The following ROBO2 variants were observed in gnomAD, a reference collection of about 807,000 sequenced individuals.
ROBO2 encodes roundabout guidance receptor 2, also known as roundabout homolog 2.
Under a neutral mutation model 160.8 loss-of-function variants are expected in ROBO2, and 53 were observed. That is an observed-to-expected ratio of 0.33 (90% CI 0.26 to 0.41). ROBO2 has a LOEUF of 0.41. Among genes scored for constraint, ROBO2 ranks in the 10% least tolerant of loss-of-function variants. The pLI, the probability that ROBO2 is intolerant of heterozygous loss-of-function variation, is 1.00. For synonymous variants in ROBO2, 664 were observed against 611.7 expected (o/e 1.09, Z -1.26); for missense variants, 1,577 against 1,722.4 (o/e 0.92, Z 1.49).
chr3:76,119,085 A>G (rs2070607081), intron 2 of ROBO2, among the ~76,000 whole-genome samples: 2 of 152,208 alleles, frequency 1.3e-5, no homozygotes, highest in South Asian at 2.1e-4. Context: ...AATATTGTAT[A>G]TAAATTGTTT....
chr3:76,274,138 T>C (rs1430708765), intron 2 of ROBO2, among the ~76,000 whole-genome samples: 1 of 152,188 alleles, frequency 6.6e-6, no homozygotes. Context: ...TCGTGAGTTT[T>C]GGATGGGATA....
At chr3:77,456,949 A>G (rs1486246134) in intron 2 of ROBO2, among the ~76,000 whole-genome samples, 1 of 152,142 alleles carries the variant, frequency 6.6e-6, no homozygotes, top group African/African-American at 2.4e-5. Context: ...CCATTTACAC[A>G]TCTTCTTTCT....
chr3:76,717,186 G>C (rs568708284), intron 2 of ROBO2, among the ~76,000 whole-genome samples: 3 of 152,164 alleles, frequency 2.0e-5, no homozygotes, highest in African/African-American at 4.8e-5. Context: ...CTTCATGAAA[G>C]GTAGCTTGAA....
At chr3:76,264,653 A>G (rs1706987985) in intron 2 of ROBO2, among the ~76,000 whole-genome samples, 1 of 152,018 alleles carries the variant, frequency 6.6e-6, no homozygotes, top group Non-Finnish European at 1.5e-5. Context: ...ACTTGATTCA[A>G]TTTTTTCACT....
At chr3:77,303,082 G>A (rs939904847) in intron 2 of ROBO2, among the ~76,000 whole-genome samples, 3 of 152,114 alleles carry the variant, frequency 2.0e-5, no homozygotes, top group Admixed American at 6.6e-5. Context: ...GGGATTTAAT[G>A]TGCTACCAAA....
At chr3:76,160,833 A>G (rs1194461599) in intron 2 of ROBO2, among the ~76,000 whole-genome samples, 1 of 152,200 alleles carries the variant, frequency 6.6e-6, no homozygotes, top group Admixed American at 6.6e-5. Context: ...AACCCATGAA[A>G]TACACAGAGA....
intron 2 of ROBO2, among the ~76,000 whole-genome samples, chr3:76,983,295 A>T (rs891133550): frequency 3.3e-5 from 5 of 152,298 alleles, no homozygotes; most frequent in African/African-American, 1.2e-4. Context: ...TCAAAAAAAA[A>T]ATTATAAAGT....
At chr3:77,212,066 T>A (rs1404185516) in intron 2 of ROBO2, among the ~76,000 whole-genome samples, 1 of 152,190 alleles carries the variant, frequency 6.6e-6, no homozygotes, top group Admixed American at 6.5e-5. Flanking sequence ...AGGCTCTTTT[T>A]TGGTTCCATA....
At chr3:76,722,514 C>T (rs148366822) in intron 2 of ROBO2, among the ~76,000 whole-genome samples, 1 of 152,262 alleles carries the variant, frequency 6.6e-6, no homozygotes, top group East Asian at 1.9e-4. Context: ...GGTTTTAGCA[C>T]ATTTACAGAA....
chr3:77,138,343 G>A (rs915136146), intron 2 of ROBO2, among the ~76,000 whole-genome samples: 8 of 152,070 alleles, frequency 5.3e-5, no homozygotes, highest in African/African-American at 1.7e-4. Flanking sequence ...TCCACCACAC[G>A]TTGTTAATTT....
At chr3:76,995,830 C>T (rs1331376039) in intron 2 of ROBO2, among the ~76,000 whole-genome samples, 1 of 152,092 alleles carries the variant, frequency 6.6e-6, no homozygotes, top group African/African-American at 2.4e-5. Context: ...TGTTTGAGTG[C>T]ATTGTAGATT....
chr3:77,607,607 A>G (rs982375621), intron 20 of ROBO2, among the ~76,000 whole-genome samples, 191 bp from the exon 22 acceptor site: 6 of 150,354 alleles, frequency 4.0e-5, no homozygotes, highest in Admixed American at 1.4e-4. Flanking sequence ...TGCACTGGGG[A>G]AAAAAAAACA....
At chr3:77,383,869 C>A (rs1279835467) in intron 2 of ROBO2, among the ~76,000 whole-genome samples, 1 of 152,018 alleles carries the variant, frequency 6.6e-6, no homozygotes, top group Non-Finnish European at 1.5e-5. Flanking sequence ...TTTTCATAAA[C>A]TTGCAAAGAT....
intron 2 of ROBO2, among the ~76,000 whole-genome samples, chr3:76,522,897 T>C (rs1046516617): frequency 6.6e-6 from 1 of 151,600 alleles, no homozygotes; most frequent in African/African-American, 2.4e-5. Flanking sequence ...GTTTATCTTA[T>C]ATGTGATGAT....
intron 2 of ROBO2, among the ~76,000 whole-genome samples, chr3:76,791,402 T>G (rs1386331914): frequency 6.6e-6 from 1 of 151,830 alleles, no homozygotes; most frequent in East Asian, 2.0e-4. Context: ...GCAGAAGAGA[T>G]GGGTTATCAC....
intron 5 of ROBO2, among the ~76,000 whole-genome samples, chr3:77,512,764 T>C (rs943037433): frequency 2.0e-5 from 3 of 151,984 alleles, no homozygotes; most frequent in African/African-American, 7.2e-5. Context: ...CCTTCGGCTA[T>C]TTGAATTGAG....
intron 2 of ROBO2, among the ~76,000 whole-genome samples, chr3:76,407,568 C>T (rs765023523): frequency 6.6e-6 from 1 of 151,868 alleles, no homozygotes; most frequent in Non-Finnish European, 1.5e-5. Context: ...CATTACTGCA[C>T]ACGTTTCTGA....
intron 2 of ROBO2, among the ~76,000 whole-genome samples, chr3:76,447,433 C>T (rs1327731653): frequency 2.7e-5 from 4 of 149,734 alleles, no homozygotes; most frequent in East Asian, 2.0e-4. Flanking sequence ...AACACTTTTA[C>T]ACTGTTGGTG....
At chr3:76,112,758 A>G (rs2070292279) in intron 2 of ROBO2, among the ~76,000 whole-genome samples, 1 of 152,152 alleles carries the variant, frequency 6.6e-6, no homozygotes, top group Admixed American at 6.5e-5. Context: ...TGTGATTGAG[A>G]TTTTATAATT....
Sources: allele counts gnomAD v4.1 joint callset (sites outside exome capture counted in the v4.1 genomes callset), GRCh38; gene constraint gnomAD v4.1.1; transcripts MANE v1.5; gene names NCBI Gene and HGNC (gene_info 2026-07-23, HGNC 2026-07-21).